The following ZC3H13 variants were observed in gnomAD, a reference collection of about 807,000 sequenced individuals.
ZC3H13 encodes zinc finger CCCH-type containing 13, also known as zinc finger CCCH domain-containing protein 13.
A neutral mutation model predicts 204.1 loss-of-function variants in ZC3H13; 64 were observed. The ratio of observed to expected loss-of-function variants is 0.31; its 90% CI spans 0.26 to 0.39. The LOEUF is 0.39. ZC3H13 is among the 10% of genes least tolerant of loss of function. The pLI, the probability that ZC3H13 is intolerant of heterozygous loss-of-function variation, is 1.00. For synonymous variants in ZC3H13, 667 were observed against 693.7 expected, an observed-to-expected ratio of 0.96 and a Z score of 0.60; for missense variants, 1,833 against 2,082.7, an observed-to-expected ratio of 0.88 and a Z score of 2.33.
intron 11 of ZC3H13, among the ~76,000 whole-genome samples, chr13:45,978,292 C>G (rs992744876): frequency 2.0e-5 from 3 of 152,016 alleles, no homozygotes; most frequent in Non-Finnish European, 4.4e-5. Context: ...CCTCAAGTGC[C>G]TAGCAAAGTG....
intron 1 of ZC3H13, 76 bp downstream of exon 1, chr13:46,052,328 G>T (rs1480227460): frequency 5.1e-6 from 2 of 390,734 alleles, no homozygotes; most frequent in Middle Eastern, 6.5e-4. Flanking sequence ...GACGGGGGGG[G>T]GTAACCCGGG....
intron 13 of ZC3H13, 117 bp from the exon 14 acceptor site, chr13:45,970,088 G>A (rs1285037656): frequency 1.5e-6 from 2 of 1,300,382 alleles, no homozygotes; most frequent in East Asian, 2.4e-5. Flanking sequence ...GGAGGCCGAG[G>A]CAGGTGGATC....
intron 4 of ZC3H13, among the ~76,000 whole-genome samples, chr13:46,027,650 A>G (rs2042621329): frequency 6.6e-6 from 1 of 152,186 alleles, no homozygotes. Flanking sequence ...CAGAAAATCT[A>G]AATGCATTTA....
At chr13:45,978,508 C>T (rs1310498312) in intron 11 of ZC3H13, among the ~76,000 whole-genome samples, 2 of 152,016 alleles carry the variant, frequency 1.3e-5, no homozygotes, top group Admixed American at 1.3e-4. Flanking sequence ...ACTCTTAGAT[C>T]TAATCCCCAA....
intron 12 of ZC3H13, among the ~76,000 whole-genome samples, chr13:45,971,078 G>C (rs918654639): frequency 6.6e-6 from 1 of 152,084 alleles, no homozygotes; most frequent in Non-Finnish European, 1.5e-5. Context: ...AATATGTTGT[G>C]GGTACACCAT....
At chr13:45,998,890 G>C (rs1241961548) in intron 8 of ZC3H13, among the ~76,000 whole-genome samples, 1 of 152,042 alleles carries the variant, frequency 6.6e-6, no homozygotes, top group Non-Finnish European at 1.5e-5. Context: ...TTTCGCAAAA[G>C]ATTTATCTGT....
At chr13:45,987,761 G>A (rs1593552176) in intron 9 of ZC3H13, among the ~76,000 whole-genome samples, 1 of 152,292 alleles carries the variant, frequency 6.6e-6, no homozygotes, top group Admixed American at 6.5e-5. Flanking sequence ...GTTGTTCCAA[G>A]TAAGCATTTC....
chr13:45,965,442 C>T lies in ZC3H13; in HGVS notation c.4322-10G>A. On this transcript the variant is annotated splice_polypyrimidine_tract_variant and intron_variant, in intron 15 of 18. Transcript: ENST00000679008. ...GACTCGTCATCTCCTGCTAAATAGA[C>T]AAATTAATTTCAGATCAAAGACAAC... The T allele has an allele frequency of 6.2e-7, 1 of 1,610,362 alleles. No homozygotes were observed. Among genetic ancestry groups the T allele is most frequent in the Non-Finnish European group, 8.5e-7 (1 of 1,178,382 alleles).
chr13:46,025,950 G>C (rs925953956), intron 4 of ZC3H13, among the ~76,000 whole-genome samples: 1 of 150,952 alleles, frequency 6.6e-6, no homozygotes, highest in African/African-American at 2.4e-5. Context: ...GCTTTGGCCT[G>C]AACGTTAGAC....
In ZC3H13 at chr13:45,979,818, T is replaced by C. The variant is rs770077917; in HGVS notation, c.1907A>G (p.Glu636Gly). Residue 636 changes from glutamate to glycine, a missense_variant, in exon 11 of 19, where the codon GAG (glutamate) becomes GGG (glycine). Physicochemically the swap from Glu to Gly is moderately conservative, Grantham distance 98. This residue lies in a region of ZC3H13 where 1,574 missense variants were observed against 1,757.2 expected (regional missense o/e 0.90). Transcript: ENST00000679008. The part of the protein sequence containing the change: ...HGERDRRDNR[E>G]RDQRPSSPIR... ...TAAAATTCTGTTTGACAAACCTCTCTCTCTGTTGTCACGACGGTCTCGCTC... is the reference window on the plus strand; with the variant it reads ...TAAAATTCTGTTTGACAAACCTCTCCCTCTGTTGTCACGACGGTCTCGCTC... The C allele has an allele frequency of 6.4e-7, 1 of 1,572,216 alleles. No homozygotes were observed. The highest frequency in any genetic ancestry group is 2.0e-5 in the Admixed American group (1 of 50,798).
intron 18 of ZC3H13, among the ~76,000 whole-genome samples, chr13:45,957,589 A>G (rs563151775): frequency 2.4e-4 from 37 of 152,326 alleles, no homozygotes; most frequent in African/African-American, 8.7e-4. Flanking sequence ...TTCCAATGAC[A>G]AAACAAACAA....
intron 4 of ZC3H13, among the ~76,000 whole-genome samples, chr13:46,040,458 C>T (rs887476418): frequency 1.3e-5 from 2 of 151,970 alleles, no homozygotes; most frequent in Non-Finnish European, 2.9e-5. Flanking sequence ...GTATCAAAGG[C>T]TTAAATATAA....
Position 45,988,975 on chromosome 13 carries a change from G to A in ZC3H13, c.1067C>T (p.Ser356Leu), listed in dbSNP as rs1298224885. Residue 356 changes from serine to leucine, a missense_variant, in exon 9 of 19, where the codon TCA (serine) becomes TTA (leucine). By Grantham distance (145) the Ser-to-Leu change is moderately radical. Transcript: ENST00000679008. ...SPSPRRKRTPSPSYQRTLTPP... is the reference protein window; with the variant it reads ...SPSPRRKRTPLPSYQRTLTPP... ...AGTTAGTGTCCGCTGATAAGATGGTGAAGGAGTTCTTTTTCGACGAGGAGA... is the reference window on the plus strand; with the variant it reads ...AGTTAGTGTCCGCTGATAAGATGGTAAAGGAGTTCTTTTTCGACGAGGAGA... 5 of 1,614,000 alleles carry A rather than the reference G, an allele frequency of 3.1e-6. No individual in the cohort carries two copies. The highest frequency in any genetic ancestry group is 1.3e-5 in the African/African-American group (1 of 74,966).
chr13:46,042,445 T>C (rs2043651493), intron 3 of ZC3H13, among the ~76,000 whole-genome samples, 170 bp from the exon 4 acceptor site: 1 of 152,110 alleles, frequency 6.6e-6, no homozygotes, highest in African/African-American at 2.4e-5. Context: ...AATTTCACCT[T>C]AAATATTAAT....
In ZC3H13 at chr13:45,963,955, T is replaced by A. The variant is rs764686615; in HGVS notation, c.4562A>T (p.Lys1521Ile). 10 of 1,614,046 alleles carry A rather than the reference T, an allele frequency of 6.2e-6. No homozygotes were observed. Among genetic ancestry groups the A allele is most frequent in the Non-Finnish European group, 8.5e-6 (10 of 1,180,022 alleles). ...TAGCATAACAGCTCCAGGTGTGAAT[T>A]TTAAGAGTGCAGCCCCAGGCTCTCG... is the stretch of plus-strand genomic sequence containing the variant. ...EPREPGAALL[K>I]FTPGAVMLRV... Residue 1521 changes from lysine to isoleucine, a missense_variant, in exon 17 of 19, where the codon AAA (lysine) becomes ATA (isoleucine). Lys to Ile is a moderately radical substitution (Grantham distance 102, BLOSUM62 -3). Transcript: ENST00000679008.
chr13:45,992,494 A>G (rs557635095), intron 8 of ZC3H13, among the ~76,000 whole-genome samples: 2 of 152,332 alleles, frequency 1.3e-5, no homozygotes, highest in African/African-American at 4.8e-5. Flanking sequence ...TTATGTGTCA[A>G]CTTAATCCAT....
chr13:46,020,046 C>G (rs1255946738), intron 5 of ZC3H13, among the ~76,000 whole-genome samples: 2 of 152,096 alleles, frequency 1.3e-5, no homozygotes, highest in African/African-American at 4.8e-5. Flanking sequence ...AGATAAAAGT[C>G]AAACATTTCT....
At chr13:45,985,870 T>C in intron 9 of ZC3H13, 109 bp from the exon 10 acceptor site, 2 of 1,003,136 alleles carry the variant, frequency 2.0e-6, no homozygotes, top group Non-Finnish European at 2.8e-6. Flanking sequence ...TGACAATTCG[T>C]GTTCTTTGCA....
At chr13:46,004,444 G>A (rs1426118213) in intron 7 of ZC3H13, among the ~76,000 whole-genome samples, 1 of 152,106 alleles carries the variant, frequency 6.6e-6, no homozygotes, top group East Asian at 1.9e-4. Context: ...AGAGGCTGAG[G>A]CAGGAGAATC....
Sources: allele counts gnomAD v4.1 joint callset (sites outside exome capture counted in the v4.1 genomes callset), GRCh38; gene constraint gnomAD v4.1.1; regional missense constraint gnomAD v4.1.1; transcripts MANE v1.5; gene names NCBI Gene and HGNC (gene_info 2026-07-23, HGNC 2026-07-21).